Variants in LHFPL3 observed in about 807,000 individuals in gnomAD.
LHFPL3 encodes LHFPL tetraspan subfamily member 3, also known as LHFPL tetraspan subfamily member 3 protein.
Under a neutral mutation model 19.3 loss-of-function variants are expected in LHFPL3, and 5 were observed. The ratio of observed to expected loss-of-function variants is 0.26; its 90% confidence interval spans 0.14 to 0.54. The LOEUF (loss-of-function observed/expected upper bound fraction) is 0.54. Ranked by LOEUF, LHFPL3 falls within the 20% of genes least tolerant of loss-of-function variation. The probability of loss-of-function intolerance (pLI) is 0.94; values close to 1 mark genes in which losing one functional copy is unlikely to be tolerated. For missense variants in LHFPL3, 249 were observed against 307.4 expected, an observed-to-expected ratio of 0.81 and a Z score of 1.42; for synonymous variants, 133 against 126.2, an observed-to-expected ratio of 1.05 and a Z score of -0.36.
intron 1 of LHFPL3, among the ~76,000 whole-genome samples, chr7:104,531,425 A>T (rs1320493552): frequency 1.3e-5 from 2 of 152,202 alleles, no homozygotes; most frequent in East Asian, 1.9e-4. Flanking sequence ...ACTTCTGCTG[A>T]TTAACCACTC....
intron 1 of LHFPL3, among the ~76,000 whole-genome samples, chr7:104,647,081 AG>A (rs1314126075): frequency 2.8e-4 from 42 of 152,240 alleles, no homozygotes; most frequent in African/African-American, 1.0e-3. Flanking sequence ...GGAAGTCTCA[AG>A]GGCAGCCTGA....
intron 1 of LHFPL3, among the ~76,000 whole-genome samples, chr7:104,503,295 C>T (rs141280618): frequency 1.7e-3 from 263 of 152,130 alleles, no homozygotes; most frequent in African/African-American, 6.0e-3. Context: ...AGCAAACACA[C>T]GCACACATAT....
intron 2 of LHFPL3, among the ~76,000 whole-genome samples, chr7:104,867,250 GAC>G (rs1791743854): frequency 6.6e-6 from 1 of 152,284 alleles, no homozygotes; most frequent in Admixed American, 6.5e-5. Context: ...AGGAGATAGA[GAC>G]ACAAAAATCC....
intron 1 of LHFPL3, among the ~76,000 whole-genome samples, chr7:104,420,864 C>G (rs75414995): frequency 0.068 from 10,353 of 152,230 alleles, 475 homozygotes; most frequent in Non-Finnish European, 0.099. Flanking sequence ...GCCCGGCCCC[C>G]CAAAGGGTGA....
At chr7:104,683,194 T>C (rs965545696) in intron 1 of LHFPL3, among the ~76,000 whole-genome samples, 1 of 152,220 alleles carries the variant, frequency 6.6e-6, no homozygotes, top group Non-Finnish European at 1.5e-5. Flanking sequence ...TTCACCATGT[T>C]GGCCAGACTG....
chr7:104,517,408 A>G (rs942945691), intron 1 of LHFPL3, among the ~76,000 whole-genome samples: 5 of 150,414 alleles, frequency 3.3e-5, no homozygotes, highest in Admixed American at 2.7e-4. Context: ...AATATGTTAT[A>G]TTATTAATTA....
chr7:104,687,758 G>A (rs1260496486), intron 1 of LHFPL3, among the ~76,000 whole-genome samples: 1 of 152,188 alleles, frequency 6.6e-6, no homozygotes, highest in East Asian at 1.9e-4. Context: ...AGTATTGATA[G>A]GAAACTCAGA....
intron 1 of LHFPL3, among the ~76,000 whole-genome samples, chr7:104,649,006 T>A (rs891534153): frequency 2.6e-5 from 4 of 152,210 alleles, no homozygotes; most frequent in African/African-American, 9.6e-5. Flanking sequence ...TCCCCTCCTA[T>A]TTTCCTACAC....
intron 1 of LHFPL3, among the ~76,000 whole-genome samples, chr7:104,730,385 C>T (rs1349956185): frequency 3.9e-5 from 6 of 152,040 alleles, no homozygotes; most frequent in African/African-American, 1.2e-4. Flanking sequence ...TTCCTATTTC[C>T]CCACAGCCTC....
chr7:104,629,355 C>T (rs1046105018), intron 1 of LHFPL3, among the ~76,000 whole-genome samples: 2 of 152,258 alleles, frequency 1.3e-5, no homozygotes, highest in African/African-American at 4.8e-5. Context: ...AGATTGGCCA[C>T]TGTTCATGAT....
chr7:104,480,179 T>C (rs1173288072), intron 1 of LHFPL3, among the ~76,000 whole-genome samples: 2 of 152,182 alleles, frequency 1.3e-5, no homozygotes, highest in Non-Finnish European at 2.9e-5. Flanking sequence ...AAATCCATGA[T>C]TAATCACTTA....
At chr7:104,372,997 C>CAAAAAAAAAAAAAAAAAAAAAAA (rs58010609) in intron 1 of LHFPL3, among the ~76,000 whole-genome samples, 1 of 126,434 alleles carries the variant, frequency 7.9e-6, no homozygotes, top group Non-Finnish European at 1.6e-5. Context: ...AGCTTCTTTA[C>CAAAAAAAAAAAAAAAAAAAAAAA]AAAAAAAAAA....
intron 2 of LHFPL3, among the ~76,000 whole-genome samples, chr7:104,879,871 C>T (rs1028849066): frequency 6.6e-6 from 1 of 152,188 alleles, no homozygotes; most frequent in Non-Finnish European, 1.5e-5. Flanking sequence ...AGCACTTTCA[C>T]AGCTAGACAG....
intron 1 of LHFPL3, among the ~76,000 whole-genome samples, chr7:104,338,988 C>G (rs1435260251): frequency 6.6e-6 from 1 of 152,208 alleles, no homozygotes; most frequent in Non-Finnish European, 1.5e-5. Flanking sequence ...TGGCTCACGC[C>G]TGTAATCTCA....
chr7:104,585,480 A>AACAGACACACACACACACACACAC (rs1790552028), intron 1 of LHFPL3, among the ~76,000 whole-genome samples: 1 of 123,362 alleles, frequency 8.1e-6, no homozygotes, highest in Non-Finnish European at 1.7e-5. Flanking sequence ...AACACACACA[A>AACAGACACACACACACACACACAC]ACACACACAC....
intron 1 of LHFPL3, among the ~76,000 whole-genome samples, chr7:104,614,653 C>CTTCTCTCCTTCCTTCCTTCCTTCCTTCCT (rs1554415305): frequency 1.6e-4 from 8 of 51,530 alleles, no homozygotes; most frequent in African/African-American, 3.0e-4. Flanking sequence ...CTTCTCTTCT[C>CTTCTCTCCTTCCTTCCTTCCTTCCTTCCT]TCCTTCCTTC....
intron 1 of LHFPL3, among the ~76,000 whole-genome samples, chr7:104,606,899 C>T (rs927056961): frequency 3.3e-5 from 5 of 151,914 alleles, no homozygotes; most frequent in African/African-American, 7.3e-5. Context: ...CTACGGGATC[C>T]GTTGAATCAT....
At chr7:104,823,576 G>A (rs957506485) in intron 2 of LHFPL3, among the ~76,000 whole-genome samples, 11 of 152,180 alleles carry the variant, frequency 7.2e-5, no homozygotes, top group East Asian at 1.9e-4. Flanking sequence ...ACAGTTTTCC[G>A]TGCTTTAGCT....
chr7:104,867,373 C>A (rs1051456108), intron 2 of LHFPL3, among the ~76,000 whole-genome samples: 1 of 151,476 alleles, frequency 6.6e-6, no homozygotes, highest in African/African-American at 2.4e-5. Context: ...CAAATAGATG[C>A]AATAAAAAAT....
Sources: gnomAD v4.1 joint callset for allele counts (sites outside exome capture counted in the v4.1 genomes callset) on GRCh38, gnomAD v4.1.1 for gene constraint, MANE v1.5 for transcripts, NCBI Gene and HGNC (gene_info 2026-07-23, HGNC 2026-07-21) for gene names.